CNTNAP5: variants seen among roughly 807,000 people sequenced by gnomAD.
CNTNAP5 encodes the protein contactin associated protein family member 5.
A neutral mutation model predicts 150.2 loss-of-function variants in CNTNAP5; 72 were observed. The ratio of observed to expected loss-of-function variants is 0.48; its 90% CI spans 0.40 to 0.58. The LOEUF (loss-of-function observed/expected upper bound fraction) is 0.58, where lower values mean the gene tolerates loss of function less well. Among genes scored for constraint, CNTNAP5 ranks in the 20% least tolerant of loss-of-function variants. The pLI is 0.00. For missense variants in CNTNAP5, 1,636 were observed against 1,626.2 expected, an observed-to-expected ratio of 1.01 and a Z score of -0.10; for synonymous variants, 672 against 619.8, an observed-to-expected ratio of 1.08 and a Z score of -1.25.
chr2:124,547,270 A>T (rs974951504), intron 10 of CNTNAP5, among the ~76,000 whole-genome samples: 1 of 152,164 alleles, frequency 6.6e-6, no homozygotes, highest in African/African-American at 2.4e-5. Context: ...TAAGCCCCGC[A>T]AGGAAAAATT....
chr2:124,647,896 C>G lies in CNTNAP5; in HGVS notation c.2015C>G (p.Ser672Cys), dbSNP rs774828405. The G allele has an allele frequency of 1.9e-6, 3 of 1,611,560 alleles. No homozygotes were observed. Among genetic ancestry groups the G allele is most frequent in the Non-Finnish European group, 1.7e-6 (2 of 1,179,082 alleles). ...MEQLEAVIDG[S>C]EHCEQEVAYH... ...CAGCTGGAGGCCGTGATCGACGGCT[C>G]TGAGCACTGTGAGCAGGAGGTGGCC... Residue 672 changes from serine to cysteine, a missense_variant, in exon 13 of 24, where the codon TCT becomes TGT. Coordinates refer to ENST00000682447, the MANE Select transcript of CNTNAP5 (RefSeq NM_001367498.1).
At chr2:124,653,561 G>T (rs1341034282) in intron 13 of CNTNAP5, among the ~76,000 whole-genome samples, 1 of 151,972 alleles carries the variant, frequency 6.6e-6, no homozygotes, top group Non-Finnish European at 1.5e-5. Flanking sequence ...ATACACTTGT[G>T]CATATTAATT....
Position 124,432,577 on chromosome 2 carries a change from G to T in CNTNAP5, c.530-1907G>T, listed in dbSNP as rs551791390. ...ACACTATGTGGTCCTTCCACTCACT[G>T]CTGGGCACTACAGGGGCTACCTAGG... On this transcript the variant is annotated intron_variant, in intron 4 of 23. Coordinates refer to ENST00000682447, the MANE Select transcript of CNTNAP5 (RefSeq NM_001367498.1). Among the ~76,000 whole-genome samples, 10 of 152,270 alleles carry T rather than the reference G, an allele frequency of 6.6e-5. No homozygotes were observed. In the South Asian group the frequency reaches 2.1e-3, roughly 32 times the overall value.
intron 1 of CNTNAP5, among the ~76,000 whole-genome samples, chr2:124,213,849 G>T (rs1415826799): frequency 6.6e-6 from 1 of 152,098 alleles, no homozygotes; most frequent in Non-Finnish European, 1.5e-5. Flanking sequence ...TTTAGGGAAG[G>T]GTATTTCAGA....
chr2:124,252,319 C>A (rs1687201388), intron 3 of CNTNAP5, among the ~76,000 whole-genome samples: 1 of 152,126 alleles, frequency 6.6e-6, no homozygotes, highest in Non-Finnish European at 1.5e-5. Context: ...TGTTTAGAGG[C>A]CCGTTCCTAA....
intron 11 of CNTNAP5, among the ~76,000 whole-genome samples, chr2:124,602,214 T>C (rs924635609): frequency 1.3e-5 from 2 of 151,586 alleles, no homozygotes; most frequent in African/African-American, 4.8e-5. Flanking sequence ...TAGTGGCATG[T>C]GCCTGTAATC....
intron 13 of CNTNAP5, among the ~76,000 whole-genome samples, chr2:124,673,243 A>T (rs199996155): frequency 3.2e-5 from 1 of 31,692 alleles, no homozygotes; most frequent in African/African-American, 1.9e-4. Context: ...ACATTCTCTT[A>T]AAAAAAACAC....
intron 1 of CNTNAP5, among the ~76,000 whole-genome samples, chr2:124,030,879 T>C (rs1681029034): frequency 6.6e-6 from 1 of 152,002 alleles, no homozygotes; most frequent in Non-Finnish European, 1.5e-5. Context: ...ACATGACGGG[T>C]TGTAAGTCTA....
chr2:124,736,273 A>AT (rs1680380861), intron 13 of CNTNAP5, among the ~76,000 whole-genome samples: 1 of 151,980 alleles, frequency 6.6e-6, no homozygotes, highest in Admixed American at 6.6e-5. Flanking sequence ...ATGACTTTAG[A>AT]TTTTTCCCCT....
At position 124,907,625 on chromosome 2, in the gene CNTNAP5, AATAG is replaced by A. The variant is rs561774898; in HGVS notation, c.3656-3834_3656-3831del. 1.9e-4 allele frequency among the ~76,000 whole-genome samples: 28 copies of A among 150,314 alleles called. 1 individual carries two copies. Among genetic ancestry groups the A allele is most frequent in the African/African-American group, 4.1e-4 (17 of 41,176 alleles). On this transcript the variant is annotated intron_variant, in intron 22 of 23. Transcript: ENST00000682447. ...GATCAAGATCTATATATATGATATA[AATAG>A]ATAGATACATTTAAGCTGAGTCATT...
intron 1 of CNTNAP5, among the ~76,000 whole-genome samples, chr2:124,093,329 T>C (rs908001918): frequency 3.3e-5 from 5 of 152,202 alleles, no homozygotes; most frequent in African/African-American, 1.2e-4. Flanking sequence ...TGAGGAATGG[T>C]AAATATACAT....
chr2:124,027,291 A>G (rs1229859807), intron 1 of CNTNAP5, among the ~76,000 whole-genome samples: 1 of 152,166 alleles, frequency 6.6e-6, no homozygotes, highest in Non-Finnish European at 1.5e-5. Context: ...GCGCTGGGCT[A>G]TTTTTCTCCA....
chr2:124,332,550 T>C (rs1351877931), intron 3 of CNTNAP5, among the ~76,000 whole-genome samples: 2 of 151,492 alleles, frequency 1.3e-5, no homozygotes, highest in Non-Finnish European at 1.5e-5. Flanking sequence ...AATAAACATA[T>C]GTTTAATAAG....
chr2:124,416,395 C>A (rs896396285), intron 3 of CNTNAP5, among the ~76,000 whole-genome samples: 1 of 145,744 alleles, frequency 6.9e-6, no homozygotes, highest in Non-Finnish European at 1.5e-5. Context: ...CGTTGTCATT[C>A]TTATTGTTCA....
chr2:124,278,311 AT>A (rs766911523), intron 3 of CNTNAP5, among the ~76,000 whole-genome samples: 16 of 152,312 alleles, frequency 1.1e-4, no homozygotes, highest in Admixed American at 2.6e-4. Flanking sequence ...AGATAAAAAA[AT>A]AATGGGAAAG....
chr2:124,260,314 A>G (rs1687421655), intron 3 of CNTNAP5, among the ~76,000 whole-genome samples: 1 of 152,230 alleles, frequency 6.6e-6, no homozygotes, highest in Non-Finnish European at 1.5e-5. Flanking sequence ...GACTAACCAT[A>G]TGTAGAAAGC....
chr2:124,086,055 A>G (rs571322849), intron 1 of CNTNAP5, among the ~76,000 whole-genome samples: 1 of 152,264 alleles, frequency 6.6e-6, no homozygotes, highest in East Asian at 1.9e-4. Flanking sequence ...TCAATCATGT[A>G]GAGAATGATG....
intron 3 of CNTNAP5, among the ~76,000 whole-genome samples, chr2:124,265,632 C>T (rs534985739): frequency 6.6e-5 from 10 of 151,996 alleles, no homozygotes; most frequent in Non-Finnish European, 1.2e-4. Context: ...GAGAGAAGGC[C>T]CTCTGGCAAG....
At chr2:124,707,965 G>A (rs1679728209) in intron 13 of CNTNAP5, among the ~76,000 whole-genome samples, 1 of 152,138 alleles carries the variant, frequency 6.6e-6, no homozygotes, top group Non-Finnish European at 1.5e-5. Context: ...CACTATCAAT[G>A]ATGTAACAGA....
Sources: gnomAD v4.1 joint callset for allele counts (sites outside exome capture counted in the v4.1 genomes callset) on GRCh38, gnomAD v4.1.1 for gene constraint, MANE v1.5 for transcripts, NCBI Gene and HGNC (gene_info 2026-07-23, HGNC 2026-07-21) for gene names.